Variants in CREB5 observed in about 807,000 individuals in gnomAD.
CREB5 encodes cAMP responsive element binding protein 5.
CREB5 carries 19 observed loss-of-function variants against 57.1 expected under a neutral mutation model. That is an observed-to-expected ratio of 0.33 (90% confidence interval 0.23 to 0.49). CREB5 has a LOEUF of 0.49. CREB5 is among the 20% of genes least tolerant of loss of function. CREB5 has a pLI of 0.99. For missense variants in CREB5, 579 were observed against 671.6 expected (o/e 0.86, Z 1.52); for synonymous variants, 238 against 238.3 (o/e 1.00, Z 0.01).
intron 1 of CREB5, among the ~76,000 whole-genome samples, chr7:28,465,699 T>A (rs190019994): frequency 1.3e-5 from 2 of 152,348 alleles, no homozygotes; most frequent in East Asian, 3.9e-4. Context: ...TAGATCATTC[T>A]AAGAACAAAA....
chr7:28,654,729 C>G (rs929268836), intron 5 of CREB5, among the ~76,000 whole-genome samples: 2 of 152,060 alleles, frequency 1.3e-5, no homozygotes, highest in African/African-American at 4.8e-5. Flanking sequence ...TCCATATAAA[C>G]AAGCAGCAAA....
chr7:28,574,067 C>G (rs1368815975), intron 5 of CREB5, among the ~76,000 whole-genome samples: 3 of 152,218 alleles, frequency 2.0e-5, no homozygotes, highest in Non-Finnish European at 4.4e-5. Flanking sequence ...CATCCCCAAA[C>G]TAGTGACTAC....
chr7:28,644,151 AAAAG>A (rs976708987), intron 5 of CREB5, among the ~76,000 whole-genome samples: 95 of 152,012 alleles, frequency 6.2e-4, no homozygotes, highest in African/African-American at 9.4e-4. Context: ...AAAGAAAAGA[AAAAG>A]AAAGAAAGAA....
At chr7:28,494,381 G>GTA (rs1414525748) in intron 2 of CREB5, among the ~76,000 whole-genome samples, 3 of 151,934 alleles carry the variant, frequency 2.0e-5, no homozygotes, top group Non-Finnish European at 4.4e-5. Flanking sequence ...TCATTTTTTT[G>GTA]TATATATATG....
chr7:28,418,564 A>G (rs1788110030), intron 1 of CREB5, among the ~76,000 whole-genome samples: 2 of 152,282 alleles, frequency 1.3e-5, no homozygotes, highest in South Asian at 2.1e-4. Flanking sequence ...GTCCAAATAC[A>G]TGTCTATTCA....
At chr7:28,558,851 T>G (rs566617871) in intron 4 of CREB5, among the ~76,000 whole-genome samples, 1 of 152,336 alleles carries the variant, frequency 6.6e-6, no homozygotes, top group East Asian at 1.9e-4. Context: ...CTTGTGGTAC[T>G]TTTATACGTG....
At chr7:28,645,080 G>GC (rs1333584037) in intron 5 of CREB5, among the ~76,000 whole-genome samples, 3 of 152,280 alleles carry the variant, frequency 2.0e-5, no homozygotes, top group South Asian at 2.1e-4. Context: ...CCTGATTGCA[G>GC]CCCCCCAACC....
chr7:28,502,457 T>C (rs1172805995), intron 3 of CREB5, among the ~76,000 whole-genome samples: 2 of 152,328 alleles, frequency 1.3e-5, no homozygotes, highest in African/African-American at 2.4e-5. Flanking sequence ...AAAATAGATA[T>C]ACTAATTCCA....
chr7:28,620,867 G>T (rs140334138), intron 5 of CREB5, among the ~76,000 whole-genome samples: 8 of 152,218 alleles, frequency 5.3e-5, no homozygotes, highest in African/African-American at 1.9e-4. Flanking sequence ...GATCCAGTCG[G>T]TATTAAAGAA....
chr7:28,674,070 CATA>C (rs1350035844), intron 5 of CREB5, among the ~76,000 whole-genome samples: 1 of 152,046 alleles, frequency 6.6e-6, no homozygotes. Flanking sequence ...GGACAGGGTG[CATA>C]GGCAGCAGGG....
chr7:28,398,987 A>G (rs1040116605), intron 1 of CREB5, among the ~76,000 whole-genome samples: 2 of 152,182 alleles, frequency 1.3e-5, no homozygotes, highest in African/African-American at 4.8e-5. Flanking sequence ...AAATGCTGGG[A>G]TTACAAGCAT....
At chr7:28,598,494 C>A (rs1796777610) in intron 5 of CREB5, among the ~76,000 whole-genome samples, 2 of 152,098 alleles carry the variant, frequency 1.3e-5, no homozygotes, top group South Asian at 4.1e-4. Context: ...GGACACTTGG[C>A]CTGTGGATTA....
chr7:28,613,705 C>T (rs2128679345), intron 5 of CREB5, among the ~76,000 whole-genome samples: 1 of 152,310 alleles, frequency 6.6e-6, no homozygotes, highest in East Asian at 1.9e-4. Context: ...ATCTCGCCAA[C>T]AAACTCAGTA....
chr7:28,302,308 T>C (rs988149087), intron 1 of CREB5, among the ~76,000 whole-genome samples: 2 of 152,214 alleles, frequency 1.3e-5, no homozygotes, highest in African/African-American at 4.8e-5. Flanking sequence ...GTCAAATTAA[T>C]TTCCAAACAA....
At chr7:28,438,220 G>A (rs922524039) in intron 1 of CREB5, among the ~76,000 whole-genome samples, 1 of 152,056 alleles carries the variant, frequency 6.6e-6, no homozygotes, top group African/African-American at 2.4e-5. Flanking sequence ...AGAGTTTAGG[G>A]TTTCCTTTAA....
chr7:28,734,254 T>C (rs1312939408), intron 7 of CREB5, among the ~76,000 whole-genome samples: 3 of 146,630 alleles, frequency 2.0e-5, no homozygotes, highest in Non-Finnish European at 3.0e-5. Context: ...AACAGGTTAA[T>C]GGATTCCAGT....
chr7:28,785,363 T>C (rs1281621077), intron 7 of CREB5, among the ~76,000 whole-genome samples: 4 of 152,228 alleles, frequency 2.6e-5, no homozygotes, highest in African/African-American at 7.2e-5. Flanking sequence ...GAGATGTAGG[T>C]TGCGTGAATG....
intron 1 of CREB5, among the ~76,000 whole-genome samples, chr7:28,392,544 G>A (rs1184609117): frequency 1.3e-5 from 2 of 152,154 alleles, no homozygotes; most frequent in Non-Finnish European, 2.9e-5. Context: ...GGTTTATGTG[G>A]GATTACATGT....
At chr7:28,553,814 A>G (rs1330736727) in intron 4 of CREB5, among the ~76,000 whole-genome samples, 1 of 152,246 alleles carries the variant, frequency 6.6e-6, no homozygotes, top group African/African-American at 2.4e-5. Flanking sequence ...TAACTGGGCT[A>G]TGCTTTGGGG....
Sources: gnomAD v4.1 joint callset for allele counts (sites outside exome capture counted in the v4.1 genomes callset) on GRCh38, gnomAD v4.1.1 for gene constraint, MANE v1.5 for transcripts, NCBI Gene and HGNC (gene_info 2026-07-23, HGNC 2026-07-21) for gene names.